The following ME2 variants were observed in gnomAD, a reference collection of about 807,000 sequenced individuals.
The protein encoded by ME2 is NAD-dependent malic enzyme, mitochondrial.
A neutral mutation model predicts 73.7 loss-of-function variants in ME2; 60 were observed. That is an observed-to-expected ratio of 0.81 (90% CI 0.66 to 1.01). The LOEUF is 1.01. Ranked by LOEUF, ME2 falls within the 50% of genes least tolerant of loss-of-function variation. ME2 has a pLI of 0.00. For synonymous variants in ME2, 199 were observed against 236.9 expected (o/e 0.84, Z 1.47); for missense variants, 594 against 705.5 (o/e 0.84, Z 1.79).
rs775526709 is a variant in ME2, at chr18:50,920,724, C to T, written c.908C>T (p.Ser303Phe). ...AAQKVISKPI[S>F]EHKILFLGAG... ...CAAAAAGTTATTAGTAAACCAATCT[C>T]CGAACACAAAATCTTATTCCTTGGA... Residue 303 changes from serine to phenylalanine, a missense_variant, in exon 9 of 16, where the codon TCC (serine) becomes TTC (phenylalanine). Physicochemically the swap from Ser to Phe is radical, Grantham distance 155. Coordinates refer to ENST00000321341, the MANE Select transcript of ME2 (RefSeq NM_002396.5). 4 of 1,611,724 alleles carry T rather than the reference C, an allele frequency of 2.5e-6. No homozygotes were observed. In the East Asian group the frequency reaches 8.9e-5, roughly 36 times the overall value.
At chr18:50,902,430 C>T (rs1328261706) in intron 2 of ME2, among the ~76,000 whole-genome samples, 1 of 152,126 alleles carries the variant, frequency 6.6e-6, no homozygotes, top group Admixed American at 6.6e-5. Context: ...CAGAGATTTA[C>T]TCTTGTTGCC....
chr18:50,899,286 A>G (rs746759427), intron 2 of ME2, among the ~76,000 whole-genome samples: 4 of 152,126 alleles, frequency 2.6e-5, no homozygotes, highest in Non-Finnish European at 5.9e-5. Context: ...AACTATCATC[A>G]ATGACTTCAA....
At chr18:50,940,170 AAAT>A in intron 14 of ME2, 115 bp from the exon 15 acceptor site, 1 of 730,800 alleles carries the variant, frequency 1.4e-6, no homozygotes, top group Non-Finnish European at 2.4e-6. Flanking sequence ...TTCCTTCAAG[AAAT>A]AAGAGGAATT....
intron 4 of ME2, 137 bp downstream of exon 4, chr18:50,913,087 A>T (rs965177666): frequency 1.2e-5 from 8 of 650,148 alleles, no homozygotes; most frequent in Middle Eastern, 4.2e-4. Context: ...AATTTTGATT[A>T]AAAGAGATTA....
intron 12 of ME2, 81 bp from the exon 13 acceptor site, chr18:50,932,177 G>T: frequency 8.6e-7 from 1 of 1,159,746 alleles, no homozygotes; most frequent in South Asian, 1.3e-5. Flanking sequence ...TTTACTTCAG[G>T]ACTTGATTTT....
chr18:50,925,615 G>A, intron 11 of ME2, 141 bp from the exon 12 acceptor site: 1 of 629,412 alleles, frequency 1.6e-6, no homozygotes, highest in Non-Finnish European at 2.8e-6. Flanking sequence ...CATAGATTTT[G>A]CATTGCTGAG....
chr18:50,888,520 G>A (rs627503), intron 1 of ME2, among the ~76,000 whole-genome samples: 149,979 of 152,246 alleles, frequency 0.99, 73,897 homozygotes, highest in Middle Eastern at 1. Flanking sequence ...GACTACGACT[G>A]GTAAGCTGAG....
rs1004593808 is a variant in ME2 at position 50,953,233 on chromosome 18, G to C, written c.*6049G>C. ...CCTGCCTCAGCCTTCCGAGTAGCTC[G>C]GACTACAGGCGCCCGCCACCTCGCC... On this transcript the variant is annotated 3_prime_UTR_variant, in exon 16 of 16. Transcript: ENST00000321341. 1 of 152,014 alleles carries C rather than the reference G, an allele frequency of 6.6e-6. No homozygotes were observed. The highest frequency in any genetic ancestry group is 2.4e-5 in the African/African-American group (1 of 41,304). The allele number at this position is 152,014 out of a possible 1,614,324, so 9.4% of individuals were successfully genotyped here. A position where few individuals can be genotyped will look rare whatever the true frequency, so the allele number is the denominator to read the frequency against.
chr18:50,907,914 T>A, intron 2 of ME2, 149 bp from the exon 3 acceptor site: 1 of 542,474 alleles, frequency 1.8e-6, no homozygotes, highest in Non-Finnish European at 3.2e-6. Flanking sequence ...TGACCAATAC[T>A]GACATCAGTC....
chr18:50,906,347 C>G (rs1917018723), intron 2 of ME2, among the ~76,000 whole-genome samples: 3 of 152,094 alleles, frequency 2.0e-5, no homozygotes, highest in Admixed American at 2.0e-4. Context: ...GAGTATTGCT[C>G]TTTTGCCTAG....
chr18:50,882,680 G>C (rs1412942046), intron 1 of ME2, among the ~76,000 whole-genome samples: 2 of 152,126 alleles, frequency 1.3e-5, no homozygotes, highest in East Asian at 3.8e-4. Context: ...CAGGCACATT[G>C]GTTCATGTCT....
Position 50,916,269 on chromosome 18 carries a change from C to T in ME2, c.468+26C>T, listed in dbSNP as rs142414077. On this transcript the variant is annotated intron_variant, in intron 5 of 15. Coordinates refer to ENST00000321341, the MANE Select transcript of ME2 (RefSeq NM_002396.5). ...GTACTAATAGCACAACCCTCCTTTT[C>T]ACAATGTTTTCTCTTTTCTTGTAAA... The T allele has an allele frequency of 3.8e-4, 575 of 1,529,740 alleles. 5 individuals are homozygous for T. The African/African-American group carries it at 7.3e-3, about 19-fold the overall frequency. 94.8% of individuals were successfully genotyped at this position (1,529,740 alleles called of 1,614,324 possible).
Position 50,908,087 on chromosome 18 carries a change from C to T in ME2, c.133C>T (p.Arg45Ter), listed in dbSNP as rs138563580. Residue 45 changes from arginine to a stop codon, truncating the protein, a stop_gained, in exon 3 of 16, where the codon CGA (arginine) becomes TGA (stop). Coordinates refer to ENST00000321341, the MANE Select transcript of ME2 (RefSeq NM_002396.5). LOFTEE classifies it high-confidence loss of function. ...GGGAATGGCATTTACTTTACAAGAA[C>T]GACAAATGCTTGGTCTTCAAGGACT... The part of the protein sequence containing the change: ...NKGMAFTLQE[R>*]QMLGLQGLLP... 5.0e-6 allele frequency: 8 copies of T among 1,584,780 alleles called. No homozygotes were observed. Among genetic ancestry groups the T allele is most frequent in the Non-Finnish European group, 6.9e-6 (8 of 1,165,866 alleles).
intron 12 of ME2, 92 bp downstream of exon 12, chr18:50,925,990 C>T: frequency 1.1e-6 from 1 of 910,686 alleles, no homozygotes; most frequent in Non-Finnish European, 1.7e-6. Context: ...TAATGGTTTC[C>T]CTAGAGATTA....
At chr18:50,898,215 G>A (rs1372985931) in intron 2 of ME2, among the ~76,000 whole-genome samples, 2 of 152,118 alleles carry the variant, frequency 1.3e-5, no homozygotes, top group Non-Finnish European at 2.9e-5. Context: ...CTTCTTAAAT[G>A]TATGTCTGTA....
intron 9 of ME2, 81 bp downstream of exon 9, chr18:50,920,839 A>G: frequency 9.0e-7 from 1 of 1,105,490 alleles, no homozygotes; most frequent in Non-Finnish European, 1.3e-6. Context: ...GATGTTTATG[A>G]AAGAGCATAG....
chr18:50,912,012 A>T (rs952909795), intron 3 of ME2, among the ~76,000 whole-genome samples: 46 of 152,170 alleles, frequency 3.0e-4, no homozygotes, highest in African/African-American at 9.4e-4. Flanking sequence ...TTTGAAAGCT[A>T]CTTAGCAGGT....
intron 3 of ME2, among the ~76,000 whole-genome samples, chr18:50,911,023 C>A (rs1341583374): frequency 1.3e-5 from 2 of 152,204 alleles, no homozygotes; most frequent in Non-Finnish European, 2.9e-5. Flanking sequence ...TAAGGGCATT[C>A]ACCATTGCTG....
At chr18:50,916,332 C>G (rs1468288412) in intron 5 of ME2, 89 bp downstream of exon 5, 1 of 1,050,096 alleles carries the variant, frequency 9.5e-7, no homozygotes, top group Non-Finnish European at 1.5e-6. Flanking sequence ...TTCATTGTTG[C>G]TCTCATTTAT....
Sources: gnomAD v4.1 joint callset for allele counts (sites outside exome capture counted in the v4.1 genomes callset) on GRCh38, gnomAD v4.1.1 for gene constraint, MANE v1.5 for transcripts, NCBI Gene and HGNC (gene_info 2026-07-23, HGNC 2026-07-21) for gene names.